The following SMYD4 variants were observed in gnomAD, a reference collection of about 807,000 sequenced individuals.
SMYD4 encodes the protein protein-lysine N-methyltransferase SMYD4.
A neutral mutation model predicts 72.8 loss-of-function variants in SMYD4; 68 were observed. The ratio of observed to expected loss-of-function variants is 0.93; its 90% confidence interval spans 0.77 to 1.14. The LOEUF (loss-of-function observed/expected upper bound fraction) is 1.14. Among genes scored for constraint, SMYD4 ranks in the 50% most tolerant of loss-of-function variants. SMYD4 has a pLI of 0.00. For missense variants in SMYD4, 984 were observed against 1,003.7 expected, an observed-to-expected ratio of 0.98 and a Z score of 0.27; for synonymous variants, 407 against 388.6, an observed-to-expected ratio of 1.05 and a Z score of -0.56.
intron 2 of SMYD4, among the ~76,000 whole-genome samples, chr17:1,820,677 A>G (rs142692474): frequency 6.6e-6 from 1 of 152,330 alleles, no homozygotes; most frequent in African/African-American, 2.4e-5. Context: ...AGCTATTAAG[A>G]ATTTCCTACA....
intron 2 of SMYD4, among the ~76,000 whole-genome samples, chr17:1,812,545 CTTTTTTTT>C (rs71150818): frequency 9.3e-4 from 59 of 63,712 alleles, no homozygotes; most frequent in Middle Eastern, 0.018. Context: ...AGCAGAATTT[CTTTTTTTT>C]TTTTTTTTTT....
chr17:1,819,988 A>T (rs989588599), intron 2 of SMYD4, among the ~76,000 whole-genome samples: 3 of 152,074 alleles, frequency 2.0e-5, no homozygotes, highest in Admixed American at 2.0e-4. Flanking sequence ...GGGTTTTGCC[A>T]TGTTGGCCAG....
In SMYD4 at chr17:1,792,187, C is replaced by T. The variant is rs533144091; in HGVS notation, c.1538-4583G>A. On this transcript the variant is annotated intron_variant, in intron 5 of 10. Coordinates refer to ENST00000305513, the MANE Select transcript of SMYD4 (RefSeq NM_052928.3). ...CCTCCAGAGTAGCTGGGACTACAGG[C>T]GCCCGCAACCACGCCCGGCTAATTT... 9.2e-5 allele frequency among the ~76,000 whole-genome samples: 14 copies of T among 151,968 alleles called. No individual in the cohort carries two copies. The East Asian group carries it at 1.6e-3, about 17-fold the overall frequency.
chr17:1,811,949 G>T, intron 3 of SMYD4, 22 bp downstream of exon 3: 1 of 1,606,026 alleles, frequency 6.2e-7, no homozygotes, highest in South Asian at 1.1e-5. Flanking sequence ...ATAATAAATT[G>T]CTTGAGCTGG....
intron 3 of SMYD4, among the ~76,000 whole-genome samples, chr17:1,806,102 T>G (rs1910023659): frequency 1.3e-5 from 2 of 151,084 alleles, no homozygotes; most frequent in African/African-American, 4.9e-5. Flanking sequence ...TTTTTTGTAT[T>G]TTTTAGTAGA....
At chr17:1,781,562 G>A in intron 10 of SMYD4, 123 bp from the exon 11 acceptor site, 1 of 1,156,236 alleles carries the variant, frequency 8.6e-7, no homozygotes, top group South Asian at 1.6e-5. Flanking sequence ...CTACAATCTA[G>A]AACAGTAAGT....
intron 3 of SMYD4, among the ~76,000 whole-genome samples, chr17:1,807,892 A>T (rs1910126190): frequency 6.6e-6 from 1 of 152,200 alleles, no homozygotes; most frequent in South Asian, 2.1e-4. Context: ...CAGGAGAGGC[A>T]GATGACGCTG....
Position 1,799,922 on chromosome 17 carries a change from G to A in SMYD4, c.1472C>T (p.Ala491Val), listed in dbSNP as rs142842830. The change falls in exon 5 of 11, where the codon GCG becomes GTG. Residue 491 changes from alanine (A) to valine (V), a missense_variant. Coordinates refer to ENST00000305513, the MANE Select transcript of SMYD4 (RefSeq NM_052928.3). ...LCPDVTIWGV[A>V]MLRHMLQLQC... The stretch of plus-strand genomic sequence containing the variant: ...AAGCTGTAACATGTGTCTCAGCATC[G>A]CCACTCCCCAAATAGTCACGTCAGG... The A allele has an allele frequency of 3.3e-5, 54 of 1,613,582 alleles. No homozygotes were observed. Among genetic ancestry groups the A allele is most frequent in the African/African-American group, 2.1e-4 (16 of 74,864 alleles).
At chr17:1,826,310 T>C (rs1430114602) in intron 2 of SMYD4, among the ~76,000 whole-genome samples, 1 of 151,878 alleles carries the variant, frequency 6.6e-6, no homozygotes, top group Non-Finnish European at 1.5e-5. Flanking sequence ...CTGCCCAACA[T>C]GGCGAAACTC....
intron 4 of SMYD4, 31 bp from the exon 5 acceptor site, chr17:1,801,055 C>A: frequency 6.4e-7 from 1 of 1,550,688 alleles, no homozygotes; most frequent in Non-Finnish European, 8.8e-7. Context: ...CCACAATGAC[C>A]CTTGGTCCCT....
At chr17:1,804,544 A>G (rs934631391) in intron 4 of SMYD4, 82 bp downstream of exon 4, 2 of 1,196,552 alleles carry the variant, frequency 1.7e-6, no homozygotes, top group Admixed American at 1.8e-5. Context: ...TGTTCTATGG[A>G]AGAAGCAGAG....
In SMYD4 at chr17:1,786,852, C is replaced by T. The variant is rs1908718741; in HGVS notation, c.1842G>A (p.Arg614=). Residue 614 remains arginine (R), a synonymous_variant, in exon 7 of 11, where the codon AGG becomes AGA. Transcript: ENST00000305513. ...AACTGTTGCAACAGAATGCTTCCCA[C>T]CTGGGCCCTGCAGCCATCCTGTGTG... ...TEAHRMAAGP[R]WEAFCCNSCG... 1.2e-6 allele frequency: 2 copies of T among 1,614,200 alleles called. No homozygotes were observed. The highest frequency in any genetic ancestry group is 1.7e-6 in the Non-Finnish European group (2 of 1,180,030).
intron 5 of SMYD4, among the ~76,000 whole-genome samples, chr17:1,795,750 T>TG (rs1280041451): frequency 1.3e-5 from 2 of 150,392 alleles, no homozygotes; most frequent in Admixed American, 1.3e-4. Flanking sequence ...CCCGTGAGTT[T>TG]TTTTTTTTTT....
intron 4 of SMYD4, among the ~76,000 whole-genome samples, chr17:1,802,649 T>C (rs1032216768): frequency 2.0e-5 from 3 of 152,234 alleles, no homozygotes; most frequent in Non-Finnish European, 2.9e-5. Context: ...CTTTTCTCTT[T>C]TAGTCTGAAG....
In SMYD4 at chr17:1,787,440, CTT is replaced by C. The variant is rs752946705; in HGVS notation, c.1700_1701del (p.Gln567ArgfsTer29). 2 of 1,558,196 alleles carry C rather than the reference CTT, an allele frequency of 1.3e-6. No individual in the cohort carries two copies. The highest frequency in any genetic ancestry group is 1.7e-6 in the Non-Finnish European group (2 of 1,151,106). ...GGCTCACCATAGCAGTGGAGAATCT[CTT>C]GCCCCTTTCTAATCCGCTGTGACGC... is the stretch of plus-strand genomic sequence containing the variant. ...IRASQRIRKG[Q>X]EILHCYGPHK... On this transcript the variant is annotated frameshift_variant, in exon 6 of 11. Transcript: ENST00000305513. LOFTEE classifies it high-confidence loss of function.
intron 4 of SMYD4, among the ~76,000 whole-genome samples, chr17:1,803,644 C>T (rs532155865): frequency 2.6e-5 from 4 of 151,690 alleles, no homozygotes; most frequent in African/African-American, 9.7e-5. Flanking sequence ...GGATTACAGG[C>T]GCCCACCACC....
chr17:1,784,217 T>A, intron 8 of SMYD4, 109 bp downstream of exon 8: 1 of 1,502,814 alleles, frequency 6.7e-7, no homozygotes, highest in South Asian at 1.2e-5. Context: ...GGCATGGGGA[T>A]AATTACATCC....
chr17:1,811,824 G>A, intron 3 of SMYD4, 147 bp downstream of exon 3: 1 of 784,116 alleles, frequency 1.3e-6, no homozygotes. Context: ...CTACTCAGGA[G>A]ACTAAGGTGG....
At chr17:1,803,805 CTCTT>C (rs1305079468) in intron 4 of SMYD4, among the ~76,000 whole-genome samples, 3 of 151,686 alleles carry the variant, frequency 2.0e-5, no homozygotes, top group Non-Finnish European at 4.4e-5. Flanking sequence ...GGCCCCATAG[CTCTT>C]TCTTGTCAAT....
Sources: allele counts gnomAD v4.1 joint callset (sites outside exome capture counted in the v4.1 genomes callset), GRCh38; gene constraint gnomAD v4.1.1; transcripts MANE v1.5; gene names NCBI Gene and HGNC (gene_info 2026-07-23, HGNC 2026-07-21).